Variants in ZNF516 observed in about 807,000 individuals in gnomAD.
ZNF516 encodes the protein zinc finger protein 516.
A neutral mutation model predicts 79.7 loss-of-function variants in ZNF516; 19 were observed. That is an observed-to-expected ratio of 0.24 (90% CI 0.17 to 0.35). The LOEUF (loss-of-function observed/expected upper bound fraction) is 0.35, where lower values mean the gene tolerates loss of function less well. Ranked by LOEUF, ZNF516 falls within the 10% of genes least tolerant of loss-of-function variation. ZNF516 has a pLI of 1.00. For synonymous variants in ZNF516, 877 were observed against 739.5 expected (o/e 1.19, Z -3.02); for missense variants, 1,678 against 1,679.5 (o/e 1.00, Z 0.02).
chr18:76,466,789 C>T (rs1200282406), intron 1 of ZNF516, among the ~76,000 whole-genome samples: 4 of 152,230 alleles, frequency 2.6e-5, no homozygotes, highest in Admixed American at 2.6e-4. Flanking sequence ...AGGGCCATCC[C>T]TGCTGGGACA....
At chr18:76,399,308 G>C (rs2075187174) in intron 3 of ZNF516, among the ~76,000 whole-genome samples, 1 of 152,198 alleles carries the variant, frequency 6.6e-6, no homozygotes, top group African/African-American at 2.4e-5. Flanking sequence ...GCATCCTTTT[G>C]ATCTGCATCT....
intron 6 of ZNF516, among the ~76,000 whole-genome samples, chr18:76,366,892 C>T (rs2074620144): frequency 6.6e-6 from 1 of 152,208 alleles, no homozygotes; most frequent in Non-Finnish European, 1.5e-5. Flanking sequence ...AAAGTTAAAG[C>T]CTCTACTCAA....
chr18:76,427,634 G>C (rs1178041654), intron 3 of ZNF516, among the ~76,000 whole-genome samples: 11 of 151,966 alleles, frequency 7.2e-5, no homozygotes. Context: ...AAACCATAAA[G>C]ACAATTCTGA....
intron 6 of ZNF516, among the ~76,000 whole-genome samples, chr18:76,369,878 T>A (rs1187882672): frequency 1.3e-5 from 2 of 152,228 alleles, no homozygotes; most frequent in African/African-American, 4.8e-5. Flanking sequence ...ACTCTCAGCC[T>A]GAGAGAATGC....
intron 1 of ZNF516, among the ~76,000 whole-genome samples, chr18:76,478,603 A>G (rs1290774791): frequency 1.3e-5 from 2 of 152,250 alleles, no homozygotes; most frequent in Admixed American, 1.3e-4. Context: ...TAGATGACAT[A>G]GAGAATATAT....
chr18:76,490,885 G>C, intron 1 of ZNF516: 1 of 985,480 alleles, frequency 1.0e-6, no homozygotes, highest in Non-Finnish European at 1.2e-6. Flanking sequence ...GGGCACATCT[G>C]GGCTTTTCCA....
At chr18:76,387,403 T>A (rs1029746294) in intron 3 of ZNF516, 1 of 152,212 alleles carries the variant, frequency 6.6e-6, no homozygotes, top group Non-Finnish European at 1.5e-5. Flanking sequence ...AACTTGCAGG[T>A]ACACCAGCAC....
chr18:76,410,369 C>T (rs7241485), intron 3 of ZNF516, among the ~76,000 whole-genome samples: 41,771 of 152,110 alleles, frequency 0.27, 7,076 homozygotes, highest in East Asian at 0.45. Flanking sequence ...TCTCAAGAAG[C>T]GGTTTTGACT....
At chr18:76,468,371 G>A (rs975819779) in intron 1 of ZNF516, among the ~76,000 whole-genome samples, 6 of 140,566 alleles carry the variant, frequency 4.3e-5, no homozygotes, top group Non-Finnish European at 7.7e-5. Flanking sequence ...ACATTATGAG[G>A]TTTTTTGCTG....
At chr18:76,450,830 GACAGGAAA>G (rs1912364002) in intron 2 of ZNF516, among the ~76,000 whole-genome samples, 1 of 152,074 alleles carries the variant, frequency 6.6e-6, no homozygotes, top group Non-Finnish European at 1.5e-5. Flanking sequence ...TCTCTGAATC[GACAGGAAA>G]TCTTGCCATT....
chr18:76,495,087 C>T (rs1915429006), intron 1 of ZNF516, 57 bp downstream of exon 1: 1 of 149,782 alleles, frequency 6.7e-6, no homozygotes, highest in South Asian at 2.1e-4. Flanking sequence ...GGGCCCCGCG[C>T]CCACCGCCCG....
At chr18:76,494,836 C>A (rs1915414331) in intron 1 of ZNF516, among the ~76,000 whole-genome samples, 1 of 150,940 alleles carries the variant, frequency 6.6e-6, no homozygotes, top group African/African-American at 2.4e-5. Flanking sequence ...TTCCGCGCTC[C>A]CACCCCGGCC....
intron 3 of ZNF516, among the ~76,000 whole-genome samples, chr18:76,437,361 G>C (rs988215541): frequency 2.6e-5 from 4 of 152,174 alleles, no homozygotes; most frequent in Admixed American, 6.5e-5. Flanking sequence ...CAGGGAGGCA[G>C]CCAGCGAGGG....
intron 3 of ZNF516, among the ~76,000 whole-genome samples, chr18:76,398,325 A>G (rs2075172620): frequency 6.6e-6 from 1 of 152,264 alleles, no homozygotes; most frequent in African/African-American, 2.4e-5. Context: ...ATTTTTTAAA[A>G]CATGGCAAAC....
chr18:76,426,310 TAAAC>T (rs1158210213), intron 3 of ZNF516, among the ~76,000 whole-genome samples: 2 of 152,124 alleles, frequency 1.3e-5, no homozygotes, highest in African/African-American at 4.8e-5. Flanking sequence ...CATCTAGTAA[TAAAC>T]AAAAGGAGTG....
upstream of ZNF516, chr18:76,496,228 G>A (rs890094538): frequency 1.6e-6 from 2 of 1,245,492 alleles, no homozygotes; most frequent in African/African-American, 3.1e-5. Flanking sequence ...CGGTGACGTA[G>A]ACCCGGGGAG....
At chr18:76,469,160 C>T (rs999119598) in intron 1 of ZNF516, among the ~76,000 whole-genome samples, 1 of 152,150 alleles carries the variant, frequency 6.6e-6, no homozygotes, top group Non-Finnish European at 1.5e-5. Context: ...TCAGGGTGTG[C>T]GAATGTTCCC....
intron 1 of ZNF516, among the ~76,000 whole-genome samples, chr18:76,475,900 G>A (rs576490024): frequency 7.9e-5 from 12 of 152,248 alleles, no homozygotes; most frequent in Admixed American, 2.0e-4. Context: ...TTCACCAAGC[G>A]AATGTATTTA....
intron 3 of ZNF516, among the ~76,000 whole-genome samples, chr18:76,437,788 A>G (rs899601756): frequency 3.9e-5 from 6 of 152,226 alleles, no homozygotes; most frequent in Non-Finnish European, 5.9e-5. Context: ...AAAAGCCTGT[A>G]TATGTTCAGT....
Sources: allele counts gnomAD v4.1 joint callset (sites outside exome capture counted in the v4.1 genomes callset), GRCh38; gene constraint gnomAD v4.1.1; transcripts MANE v1.5; gene names NCBI Gene and HGNC (gene_info 2026-07-23, HGNC 2026-07-21).